Variants in CACNA1C observed in about 807,000 individuals in gnomAD.
CACNA1C encodes voltage-dependent L-type calcium channel subunit alpha-1C.
A neutral mutation model predicts 229.0 loss-of-function variants in CACNA1C; 30 were observed. That is an observed-to-expected ratio of 0.13 (90% CI 0.10 to 0.18). CACNA1C has a LOEUF of 0.18. Ranked by LOEUF, CACNA1C falls within the 10% of genes least tolerant of loss-of-function variation. The pLI is 1.00. For synonymous variants in CACNA1C, 1,114 were observed against 1,132.5 expected (o/e 0.98, Z 0.33); for missense variants, 1,658 against 2,845.0 (o/e 0.58, Z 9.49).
chr12:2,128,007 G>T (rs1296900568), intron 3 of CACNA1C, among the ~76,000 whole-genome samples: 9 of 152,160 alleles, frequency 5.9e-5, no homozygotes, highest in Non-Finnish European at 1.2e-4. Context: ...TATCCCTCTT[G>T]TTCATGGCTG....
At chr12:1,991,665 G>C (rs1024352737) in intron 1 of CACNA1C, 2 of 176,894 alleles carry the variant, frequency 1.1e-5, no homozygotes, top group Admixed American at 5.7e-5. Context: ...GACTATCATA[G>C]TGGACAGCAC....
intron 30 of CACNA1C, among the ~76,000 whole-genome samples, chr12:2,642,909 T>G (rs1303678227): frequency 1.3e-5 from 2 of 152,352 alleles, no homozygotes; most frequent in Non-Finnish European, 2.9e-5. Context: ...AATAACACCT[T>G]GGGAGCCATC....
intron 3 of CACNA1C, among the ~76,000 whole-genome samples, chr12:2,171,726 G>T (rs1280970617): frequency 6.6e-6 from 1 of 152,180 alleles, no homozygotes; most frequent in Non-Finnish European, 1.5e-5. Flanking sequence ...GAAGCAAACA[G>T]CTAAGTCAGT....
Position 2,696,746 on chromosome 12 carries a change from A to C in CACNA1C, c.*5547A>C, listed in dbSNP as rs2153904573. The C allele has an allele frequency of 6.6e-6, 1 of 152,310 alleles. No homozygotes were observed. Among genetic ancestry groups the C allele is most frequent in the East Asian group, 1.9e-4 (1 of 5,178 alleles). The allele number at this position is 152,310 out of a possible 1,614,324, so 9.4% of individuals were successfully genotyped here. ...AGAATTCCCATTGTGGAAATCTTAG[A>C]GATCTCAAGTTTATTACCAAGGGAA... On this transcript the variant is annotated 3_prime_UTR_variant, in exon 47 of 47. Transcript: ENST00000399655.
chr12:2,022,412 T>C (rs551276292), intron 1 of CACNA1C, among the ~76,000 whole-genome samples: 5 of 152,068 alleles, frequency 3.3e-5, no homozygotes, highest in Admixed American at 1.3e-4. Flanking sequence ...AAATTTGGGG[T>C]TTTGTTTTGG....
In CACNA1C at chr12:2,677,015, C is replaced by G; in HGVS notation, c.4829-79C>G. 2 of 1,256,676 alleles carry G rather than the reference C, an allele frequency of 1.6e-6. No individual in the cohort carries two copies. Among genetic ancestry groups the G allele is most frequent in the Non-Finnish European group, 1.1e-6 (1 of 882,554 alleles). 77.8% of individuals were successfully genotyped at this position (1,256,676 alleles called of 1,614,324 possible). On this transcript the variant is annotated intron_variant, in intron 39 of 46. Transcript: ENST00000399655. This position sits in a 1 kb window ranked among gnomAD's most constrained non-coding sequence, Gnocchi z 7.4. ...TTAAAGTTTTAAAAAGTTTTGGATG[C>G]TGAAAAAAAAAATGAATGAAGTTCA...
At chr12:2,163,001 C>T (rs950278077) in intron 3 of CACNA1C, among the ~76,000 whole-genome samples, 5 of 152,044 alleles carry the variant, frequency 3.3e-5, no homozygotes, top group African/African-American at 1.2e-4. Flanking sequence ...GAGTTCGAGA[C>T]CAGCCTGACC....
chr12:2,171,154 A>G (rs939289781), intron 3 of CACNA1C, among the ~76,000 whole-genome samples: 1 of 152,204 alleles, frequency 6.6e-6, no homozygotes, highest in Non-Finnish European at 1.5e-5. Flanking sequence ...TCTTTTCTGA[A>G]GGCCAGGGAA....
In CACNA1C at chr12:2,654,115, C is replaced by G. The variant is rs1477062635; in HGVS notation, c.4140+215C>G. Among the ~76,000 whole-genome samples, 1 of 152,274 alleles carries G rather than the reference C, an allele frequency of 6.6e-6. No individual in the cohort carries two copies. Among genetic ancestry groups the G allele is most frequent in the Admixed American group, 6.5e-5 (1 of 15,290 alleles). ...TAGGTAGCAGGAGAATGTCCCGGTA[C>G]AGAATACACAGCCCAGAGAGCCTCC... On this transcript the variant is annotated intron_variant, in intron 33 of 46. Transcript: ENST00000399655. The surrounding 1 kb of genome is among the most constrained non-coding windows in gnomAD (Gnocchi z 4.4).
chr12:2,366,129 G>A (rs2154535023), intron 3 of CACNA1C, among the ~76,000 whole-genome samples: 1 of 152,312 alleles, frequency 6.6e-6, no homozygotes, highest in African/African-American at 2.4e-5. Flanking sequence ...ATAGAGCTGA[G>A]GCATCCTGAG....
intron 13 of CACNA1C, among the ~76,000 whole-genome samples, chr12:2,577,233 T>C (rs1173322028): frequency 6.6e-6 from 1 of 152,228 alleles, no homozygotes; most frequent in East Asian, 1.9e-4. Context: ...GTGTTACTGG[T>C]CCCCAGGACA....
intron 3 of CACNA1C, among the ~76,000 whole-genome samples, chr12:2,232,246 T>G (rs866360975): frequency 1.1e-3 from 154 of 143,644 alleles, no homozygotes; most frequent in Non-Finnish European, 1.9e-3. Flanking sequence ...TTTTTTTTTT[T>G]TTTTTTGTTT....
intron 3 of CACNA1C, among the ~76,000 whole-genome samples, chr12:2,271,159 G>A (rs2084808359): frequency 6.6e-6 from 1 of 152,196 alleles, no homozygotes; most frequent in Non-Finnish European, 1.5e-5. Context: ...GGTTGGAAGG[G>A]CCTGTGAGGG....
At chr12:2,081,570 CAAA>C (rs35716626) in intron 1 of CACNA1C, among the ~76,000 whole-genome samples, 5 of 140,658 alleles carry the variant, frequency 3.6e-5, no homozygotes, top group Non-Finnish European at 7.8e-5. Flanking sequence ...GACTCAGTCT[CAAA>C]AAAAAAAAAA....
intron 1 of CACNA1C, among the ~76,000 whole-genome samples, chr12:2,086,633 C>A (rs953907969): frequency 1.2e-4 from 18 of 152,182 alleles, no homozygotes; most frequent in Non-Finnish European, 1.8e-4. Context: ...GGTCAGGTGG[C>A]CTTCCACATG....
At chr12:2,044,652 T>C (rs9888349) in intron 1 of CACNA1C, among the ~76,000 whole-genome samples, 40,921 of 152,064 alleles carry the variant, frequency 0.27, 6,059 homozygotes, top group African/African-American at 0.38. Context: ...CCGCTGCAGG[T>C]TGACCCAAGG....
At chr12:2,209,230 A>G (rs1437922851) in intron 3 of CACNA1C, among the ~76,000 whole-genome samples, 1 of 152,228 alleles carries the variant, frequency 6.6e-6, no homozygotes, top group Non-Finnish European at 1.5e-5. Flanking sequence ...GTTTTTATAA[A>G]AACAATAATC....
At chr12:2,052,943 G>C (rs2052709393), upstream of CACNA1C, 1 of 976,800 alleles carries the variant, frequency 1.0e-6, no homozygotes. Flanking sequence ...GGCGCGGCGG[G>C]GCTGGGCCGG....
rs1313294742 is a variant in CACNA1C at position 2,646,888 on chromosome 12, A to G, written c.3913-1587A>G. On this transcript the variant is annotated intron_variant, in intron 30 of 46. Coordinates refer to ENST00000399655, the MANE Select transcript of CACNA1C (RefSeq NM_000719.7). This position sits in a 1 kb window ranked among gnomAD's most constrained non-coding sequence, Gnocchi z 4.6. ...AGGGACCCCACACCCTGCAATCACA[A>G]GGACTGACCTGGCAGGTGGAATCTT... 6.6e-6 allele frequency among the ~76,000 whole-genome samples: 1 copy of G among 152,048 alleles called. No homozygotes were observed. Among genetic ancestry groups the G allele is most frequent in the African/African-American group, 2.4e-5 (1 of 41,378 alleles).
Sources: gnomAD v4.1 joint callset for allele counts (sites outside exome capture counted in the v4.1 genomes callset) on GRCh38, gnomAD v4.1.1 for gene constraint, Gnocchi (gnomAD v3.1) non-coding constraint, MANE v1.5 for transcripts, NCBI Gene and HGNC (gene_info 2026-07-23, HGNC 2026-07-21) for gene names.